KDM6A: variants seen among roughly 807,000 people sequenced by gnomAD.
The protein encoded by KDM6A is lysine-specific demethylase 6A.
Under a neutral mutation model 117.6 loss-of-function variants are expected in KDM6A, and 11 were observed. That is an observed-to-expected ratio of 0.09 (90% CI 0.06 to 0.15). The LOEUF (loss-of-function observed/expected upper bound fraction) is 0.15, where lower values mean the gene tolerates loss of function less well. Ranked by LOEUF, KDM6A falls within the 10% of genes least tolerant of loss-of-function variation. The pLI is 1.00. For missense variants in KDM6A, 799 were observed against 1,077.3 expected, an observed-to-expected ratio of 0.74 and a Z score of 3.62; for synonymous variants, 384 against 396.1, an observed-to-expected ratio of 0.97 and a Z score of 0.36.
At chrX:44,876,421 C>T (rs1010406655) in intron 2 of KDM6A, among the ~76,000 whole-genome samples, 3 of 111,117 alleles carry the variant, frequency 2.7e-5, no homozygotes, top group Non-Finnish European at 5.7e-5. Context: ...GTCCTCGAAG[C>T]AGTATTTTTT....
chrX:44,907,445 T>TTG (rs71867476), intron 2 of KDM6A, among the ~76,000 whole-genome samples: 13,068 of 93,351 alleles, frequency 0.14, 1,134 homozygotes, highest in Admixed American at 0.3. Flanking sequence ...GCCCGGCTAA[T>TTG]TGTGTGTGTG....
At chrX:45,006,176 G>A (rs187783560) in intron 4 of KDM6A, among the ~76,000 whole-genome samples, 5,341 of 71,046 alleles carry the variant, frequency 0.075, 700 homozygotes, top group African/African-American at 0.28. Context: ...CCCCCCCGCC[G>A]CCATGTTGCC....
chrX:44,948,331 A>G (rs1165507312), intron 2 of KDM6A, among the ~76,000 whole-genome samples: 1 of 111,786 alleles, frequency 8.9e-6, no homozygotes, highest in Non-Finnish European at 1.9e-5. Flanking sequence ...ATTACCCATT[A>G]CCAGTACATT....
intron 27 of KDM6A, among the ~76,000 whole-genome samples, chrX:45,094,744 C>T (rs1178472583): frequency 8.9e-6 from 1 of 111,821 alleles, no homozygotes; most frequent in Non-Finnish European, 1.9e-5. Context: ...CTCCACTATA[C>T]CTCTCTTTTT....
At chrX:45,002,872 C>CCCT in intron 4 of KDM6A, among the ~76,000 whole-genome samples, 1 of 76,036 alleles carries the variant, frequency 1.3e-5, no homozygotes, top group African/African-American at 5.1e-5. Flanking sequence ...CCCCCCCCCC[C>CCCT]CTTTTCATTC....
chrX:44,974,173 G>A (rs2039504972), intron 3 of KDM6A, among the ~76,000 whole-genome samples: 1 of 111,409 alleles, frequency 9.0e-6, no homozygotes, highest in Admixed American at 9.6e-5. Context: ...TTTTGTTGGA[G>A]AATCTCTGCA....
At chrX:44,925,360 C>G (rs1384304969) in intron 2 of KDM6A, among the ~76,000 whole-genome samples, 1 of 111,381 alleles carries the variant, frequency 9.0e-6, no homozygotes, top group South Asian at 3.7e-4. Context: ...TAGGGGTCAC[C>G]TCGTTTGTCT....
In KDM6A at chrX:44,893,239, A is replaced by G. The variant is rs780558327; in HGVS notation, c.225+19252A>G. 2.1e-4 allele frequency among the ~76,000 whole-genome samples: 23 copies of G among 111,053 alleles called. No individual in the cohort carries two copies. In the East Asian group the frequency reaches 3.7e-3, roughly 18 times the overall value. ...TTTTGATAGGAATTGCATCAAATCA[A>G]CCTGGGCATAATTGATACATATATA... On this transcript the variant is annotated intron_variant, in intron 2 of 29. Transcript: ENST00000611820.
chrX:44,877,604 G>A (rs886813706), intron 2 of KDM6A, among the ~76,000 whole-genome samples: 1 of 108,371 alleles, frequency 9.2e-6, no homozygotes, highest in Admixed American at 1.0e-4. Flanking sequence ...TACCATAAAT[G>A]TAGTAAGTTT....
chrX:45,063,713 G>A lies in KDM6A; in HGVS notation c.1975G>A (p.Val659Met), dbSNP rs762821553. 2.5e-6 allele frequency: 3 copies of A among 1,208,075 alleles called. No homozygotes were observed. The highest frequency in any genetic ancestry group is 2.2e-6 in the Non-Finnish European group (2 of 893,136). ...HITGSGSNGN[V>M]PYLQRNALTL... Reference sequence around the variant, plus strand: ...AACAGGAAGTGGAAGTAATGGAAACGTGCCTTACCTGCAGCGAAACGCACT... The same window carrying A: ...AACAGGAAGTGGAAGTAATGGAAACATGCCTTACCTGCAGCGAAACGCACT... The change falls in exon 17 of 30, where the codon GTG becomes ATG. Residue 659 changes from valine to methionine, a missense_variant. Val to Met is a conservative substitution (Grantham distance 21). Coordinates refer to ENST00000611820, the MANE Select transcript of KDM6A (RefSeq NM_001291415.2).
chrX:45,007,534 AAAT>A (rs778028737), intron 4 of KDM6A, among the ~76,000 whole-genome samples: 11 of 111,924 alleles, frequency 9.8e-5, no homozygotes, highest in Non-Finnish European at 1.7e-4. Flanking sequence ...TTATGTTGAG[AAAT>A]AATGTTTATA....
chrX:45,091,285 ATT>A (rs1484714415), intron 27 of KDM6A, among the ~76,000 whole-genome samples: 1 of 111,898 alleles, frequency 8.9e-6, no homozygotes, highest in African/African-American at 3.2e-5. Context: ...TAAATCATCT[ATT>A]TTTTAAGTAT....
intron 2 of KDM6A, among the ~76,000 whole-genome samples, chrX:44,940,175 C>T (rs1293106506): frequency 9.0e-6 from 1 of 111,047 alleles, no homozygotes; most frequent in Non-Finnish European, 1.9e-5. Flanking sequence ...GCCTCAGCCT[C>T]TCTAGTAGCT....
In KDM6A at chrX:45,025,990, T is replaced by C. The variant is rs138186417; in HGVS notation, c.564+5260T>C. The stretch of plus-strand genomic sequence containing the variant: ...TCAAAGGAAATGGATTGAACTCAAA[T>C]GAGACTTGTGTGTTAGCTTGCCATT... On this transcript the variant is annotated intron_variant, in intron 6 of 29. Coordinates refer to ENST00000611820, the MANE Select transcript of KDM6A (RefSeq NM_001291415.2). 6.2e-5 allele frequency among the ~76,000 whole-genome samples: 7 copies of C among 112,123 alleles called. No individual in the cohort carries two copies. In the East Asian group the frequency reaches 2.0e-3, roughly 31 times the overall value.
intron 2 of KDM6A, among the ~76,000 whole-genome samples, chrX:44,900,449 A>T (rs943001406): frequency 1.8e-5 from 2 of 112,032 alleles, no homozygotes; most frequent in African/African-American, 3.2e-5. Context: ...TAGCTCTAAA[A>T]ATTCTATGAT....
intron 2 of KDM6A, among the ~76,000 whole-genome samples, chrX:44,885,183 G>A (rs1262364453): frequency 1.9e-5 from 2 of 107,355 alleles, no homozygotes; most frequent in Non-Finnish European, 3.8e-5. Context: ...GTGCCAGCAC[G>A]TGCAGCTAAT....
chrX:44,901,978 G>T (rs1445117719), intron 2 of KDM6A, among the ~76,000 whole-genome samples: 1 of 112,503 alleles, frequency 8.9e-6, no homozygotes, highest in Non-Finnish European at 1.9e-5. Context: ...TGTAATCCCA[G>T]CACTTTGGGA....
At position 45,064,241 on chromosome X, in the gene KDM6A, T is replaced by C. The variant is rs779938783; in HGVS notation, c.2079+424T>C. 2.4e-3 allele frequency among the ~76,000 whole-genome samples: 263 copies of C among 111,815 alleles called. 1 individual carries two copies. Among genetic ancestry groups the C allele is most frequent in the African/African-American group, 8.2e-3 (251 of 30,734 alleles). On this transcript the variant is annotated intron_variant, in intron 17 of 29. Coordinates refer to ENST00000611820, the MANE Select transcript of KDM6A (RefSeq NM_001291415.2). ...AGTATTTACCATAATGACTGTGAAG[T>C]GTGACTTTGGTGGGAAAGTTCTATC... is the stretch of plus-strand genomic sequence containing the variant.
At chrX:44,952,432 C>T (rs1204941505) in intron 2 of KDM6A, among the ~76,000 whole-genome samples, 2 of 109,877 alleles carry the variant, frequency 1.8e-5, no homozygotes, top group East Asian at 2.9e-4. Flanking sequence ...CCACCACGCC[C>T]AGCTAATTTT....
Sources: allele counts gnomAD v4.1 joint callset (sites outside exome capture counted in the v4.1 genomes callset), GRCh38; gene constraint gnomAD v4.1.1; transcripts MANE v1.5; gene names NCBI Gene and HGNC (gene_info 2026-07-23, HGNC 2026-07-21).